ZFPM2: variants seen among roughly 807,000 people sequenced by gnomAD.
The protein encoded by ZFPM2 is zinc finger protein, FOG family member 2.
A neutral mutation model predicts 98.6 loss-of-function variants in ZFPM2; 20 were observed. The observed-to-expected ratio is 0.20, with a 90% CI of 0.14 to 0.29. The LOEUF (loss-of-function observed/expected upper bound fraction) is 0.29, where lower values mean the gene tolerates loss of function less well. ZFPM2 is among the 10% of genes least tolerant of loss of function. The pLI, the probability that ZFPM2 is intolerant of heterozygous loss-of-function variation, is 1.00. For missense variants in ZFPM2, 1,310 were observed against 1,388.6 expected (o/e 0.94, Z 0.90); for synonymous variants, 518 against 502.7 (o/e 1.03, Z -0.41).
At chr8:105,508,849 T>C (rs1456389310) in intron 3 of ZFPM2, among the ~76,000 whole-genome samples, 1 of 148,178 alleles carries the variant, frequency 6.7e-6, no homozygotes. Context: ...GGATTTTTTT[T>C]GAAAAAAAAA....
At chr8:105,750,807 C>T (rs1445280054) in intron 5 of ZFPM2, among the ~76,000 whole-genome samples, 1 of 151,988 alleles carries the variant, frequency 6.6e-6, no homozygotes. Flanking sequence ...GCAACGATGA[C>T]ATTTTAAATG....
intron 3 of ZFPM2, among the ~76,000 whole-genome samples, chr8:105,495,945 G>T (rs1813457398): frequency 6.6e-6 from 1 of 152,052 alleles, no homozygotes; most frequent in Non-Finnish European, 1.5e-5. Context: ...AGTACAGAGA[G>T]TTCCCATACT....
chr8:105,517,741 A>ACACACACACACACACC (rs1479862745), intron 3 of ZFPM2, among the ~76,000 whole-genome samples: 4 of 141,508 alleles, frequency 2.8e-5, no homozygotes, highest in African/African-American at 5.1e-5. Context: ...ACACACACAC[A>ACACACACACACACACC]CCCCTAGTTG....
chr8:105,471,338 T>C (rs1563674454), intron 3 of ZFPM2, among the ~76,000 whole-genome samples: 3 of 152,148 alleles, frequency 2.0e-5, no homozygotes, highest in African/African-American at 2.4e-5. Context: ...GCTCACTGGG[T>C]GGAAGAGAGG....
At chr8:105,617,143 G>A (rs775484455) in intron 4 of ZFPM2, among the ~76,000 whole-genome samples, 44 of 146,716 alleles carry the variant, frequency 3.0e-4, no homozygotes, top group African/African-American at 1.0e-3. Flanking sequence ...TGTTTTCTGC[G>A]TCGTTTCCTC....
At chr8:105,478,019 A>G (rs1053936728) in intron 3 of ZFPM2, among the ~76,000 whole-genome samples, 2 of 152,216 alleles carry the variant, frequency 1.3e-5, no homozygotes, top group Admixed American at 1.3e-4. Flanking sequence ...CTCCAGGGGA[A>G]ATGAAATTTT....
chr8:105,679,830 A>T (rs1450475755), intron 5 of ZFPM2, among the ~76,000 whole-genome samples: 1 of 151,952 alleles, frequency 6.6e-6, no homozygotes, highest in Non-Finnish European at 1.5e-5. Flanking sequence ...AATATGTATA[A>T]AAACATTTTG....
rs543269910 is a variant in ZFPM2, at chr8:105,763,868, A to G, written c.533-24850A>G. On this transcript the variant is annotated intron_variant, in intron 5 of 7. Coordinates refer to ENST00000407775, the MANE Select transcript of ZFPM2 (RefSeq NM_012082.4). The stretch of plus-strand genomic sequence containing the variant: ...GGAAGCTGTTTTTCATATCTAAAAA[A>G]AGATGGGATCATAAACATCATGGTC... Among the ~76,000 whole-genome samples, 19 of 151,986 alleles carry G rather than the reference A, an allele frequency of 1.3e-4. No homozygotes were observed. In the East Asian group the frequency reaches 3.7e-3, roughly 29 times the overall value.
At chr8:105,441,418 A>G (rs1812235533) in intron 2 of ZFPM2, among the ~76,000 whole-genome samples, 1 of 131,182 alleles carries the variant, frequency 7.6e-6, no homozygotes, top group Non-Finnish European at 1.5e-5. Flanking sequence ...TCTCAACAAA[A>G]AAAAAGAAAG....
chr8:105,750,412 A>G (rs1232062009), intron 5 of ZFPM2, among the ~76,000 whole-genome samples: 1 of 152,094 alleles, frequency 6.6e-6, no homozygotes, highest in Non-Finnish European at 1.5e-5. Flanking sequence ...ACAAACTGCT[A>G]CTAAAGGGTT....
chr8:105,501,184 C>CT (rs147662695), intron 3 of ZFPM2, among the ~76,000 whole-genome samples: 7,036 of 127,374 alleles, frequency 0.055, 572 homozygotes, highest in African/African-American at 0.18. Flanking sequence ...TTACTTTTCT[C>CT]TTTTTTTTTT....
rs553516670 is a variant in ZFPM2, at chr8:105,653,006, A to G, written c.532+18649A>G. 4.6e-5 allele frequency among the ~76,000 whole-genome samples: 7 copies of G among 152,320 alleles called. No individual in the cohort carries two copies. In the South Asian group the frequency reaches 1.0e-3, roughly 23 times the overall value. On this transcript the variant is annotated intron_variant, in intron 5 of 7. Coordinates refer to ENST00000407775, the MANE Select transcript of ZFPM2 (RefSeq NM_012082.4). The stretch of plus-strand genomic sequence containing the variant: ...AATGTTCTCACCTATCAAATCCAGA[A>G]TGCCTTGACCTTAACCCTGTGGAAG...
chr8:105,455,096 A>AT (rs1358904639), intron 3 of ZFPM2, among the ~76,000 whole-genome samples: 1 of 152,224 alleles, frequency 6.6e-6, no homozygotes, highest in African/African-American at 2.4e-5. Flanking sequence ...AGAAATGCTC[A>AT]TTGAAGCATT....
intron 3 of ZFPM2, among the ~76,000 whole-genome samples, chr8:105,496,028 A>G (rs1813460264): frequency 6.6e-6 from 1 of 152,224 alleles, no homozygotes; most frequent in Admixed American, 6.5e-5. Flanking sequence ...GGGAATTAAC[A>G]TGGATACAAT....
chr8:105,528,635 G>T (rs1303659406), intron 3 of ZFPM2, among the ~76,000 whole-genome samples: 3 of 152,074 alleles, frequency 2.0e-5, no homozygotes, highest in Admixed American at 6.6e-5. Context: ...ATTATGATTA[G>T]GTCACAAAAG....
intron 3 of ZFPM2, among the ~76,000 whole-genome samples, chr8:105,495,013 CTATT>C (rs1403024842): frequency 1.3e-5 from 2 of 152,084 alleles, no homozygotes; most frequent in African/African-American, 4.8e-5. Context: ...GTTTTAAAAA[CTATT>C]TAAACATATA....
chr8:105,792,919 T>G (rs559106825), intron 6 of ZFPM2, among the ~76,000 whole-genome samples: 1 of 152,196 alleles, frequency 6.6e-6, no homozygotes, highest in Admixed American at 6.5e-5. Context: ...CCTGCCTTTT[T>G]TTGTTTTCCA....
rs552420883 is a variant in ZFPM2 at position 105,570,323 on chromosome 8, T to TA, written c.420+8842_420+8843insA. ...TTATTGATTTTTATTTTTATTTATT[T>TA]TTTTTTTGATGGAGGGGGATTACTC... On this transcript the variant is annotated intron_variant, in intron 4 of 7. Transcript: ENST00000407775. 3.6e-3 allele frequency among the ~76,000 whole-genome samples: 550 copies of TA among 151,994 alleles called. 2 individuals are homozygous for TA. The highest frequency in any genetic ancestry group is 0.012 in the African/African-American group (500 of 41,516).
At chr8:105,773,642 CTATT>C (rs1388959291) in intron 5 of ZFPM2, among the ~76,000 whole-genome samples, 5 of 148,128 alleles carry the variant, frequency 3.4e-5, no homozygotes, top group East Asian at 2.0e-4. Context: ...ATGAAAATAT[CTATT>C]TAGAGAAAAA....
Sources: gnomAD v4.1 joint callset for allele counts (sites outside exome capture counted in the v4.1 genomes callset) on GRCh38, gnomAD v4.1.1 for gene constraint, MANE v1.5 for transcripts, NCBI Gene and HGNC (gene_info 2026-07-23, HGNC 2026-07-21) for gene names.